Variants in ENTPD7 observed in about 807,000 individuals in gnomAD.
The protein encoded by ENTPD7 is NTPDase 7.
A neutral mutation model predicts 77.9 loss-of-function variants in ENTPD7; 53 were observed. That is an observed-to-expected ratio of 0.68 (90% CI 0.55 to 0.85). The LOEUF is 0.85. Ranked by LOEUF, ENTPD7 falls within the 40% of genes least tolerant of loss-of-function variation. ENTPD7 has a pLI of 0.00. For missense variants in ENTPD7, 636 were observed against 743.7 expected, an observed-to-expected ratio of 0.86 and a Z score of 1.68; for synonymous variants, 248 against 274.9, an observed-to-expected ratio of 0.90 and a Z score of 0.97.
intron 7 of ENTPD7, among the ~76,000 whole-genome samples, chr10:99,690,509 A>G (rs1018483038): frequency 2.0e-5 from 3 of 152,074 alleles, no homozygotes; most frequent in African/African-American, 7.2e-5. Context: ...ATATTGACAT[A>G]AACATTTATT....
chr10:99,679,303 A>G lies in ENTPD7; in HGVS notation c.234A>G (p.Glu78=). 6.2e-7 allele frequency: 1 copy of G among 1,614,148 alleles called. No individual in the cohort carries two copies. Among genetic ancestry groups the G allele is most frequent in the Non-Finnish European group, 8.5e-7 (1 of 1,180,014 alleles). ...RVGELEATDT[E]DPNLNYGLVV... is the part of the protein sequence containing the mutation. The stretch of plus-strand genomic sequence containing the variant: ...GGGAGCTTGAAGCTACTGACACTGA[A>G]GACCCAAATCTGAATTATGGACTTG... The change falls in exon 4 of 13, where the codon GAA becomes GAG. Residue 78 remains glutamate, a synonymous_variant. Coordinates refer to ENST00000370489, the MANE Select transcript of ENTPD7 (RefSeq NM_020354.5).
In ENTPD7 at chr10:99,710,699, C is replaced by T; in HGVS notation, c.*6016C>T. The T allele has an allele frequency of 1.0e-6, 1 of 985,402 alleles. No individual in the cohort carries two copies. Among genetic ancestry groups the T allele is most frequent in the Non-Finnish European group, 1.2e-6 (1 of 829,918 alleles). 61.0% of individuals were successfully genotyped at this position (985,402 alleles called of 1,614,324 possible). On this transcript the variant is annotated 3_prime_UTR_variant, in exon 13 of 13. Transcript: ENST00000370489. ...TGCTGATATATAACCCACCATTCAT[C>T]CCAGGACCACAAGGGTAGCTGTAGA...
In ENTPD7 at chr10:99,709,601, A is replaced by G; in HGVS notation, c.*4918A>G. 1 of 985,398 alleles carries G rather than the reference A, an allele frequency of 1.0e-6. No homozygotes were observed. The highest frequency in any genetic ancestry group is 1.2e-6 in the Non-Finnish European group (1 of 829,898). The allele number at this position is 985,398 out of a possible 1,614,324, so 61.0% of individuals were successfully genotyped here. On this transcript the variant is annotated 3_prime_UTR_variant, in exon 13 of 13. Transcript: ENST00000370489. ...AATATACCTCAAATTGAAAACTTTTAGGTTGTGTTCTTGGCTCATTCTCTC... is the reference window on the plus strand; with the variant it reads ...AATATACCTCAAATTGAAAACTTTTGGGTTGTGTTCTTGGCTCATTCTCTC...
intron 5 of ENTPD7, among the ~76,000 whole-genome samples, chr10:99,683,451 A>G (rs915591900): frequency 7.2e-5 from 11 of 152,258 alleles, no homozygotes; most frequent in Non-Finnish European, 1.6e-4. Context: ...ACACCATAAT[A>G]CAAGGTGGTG....
chr10:99,682,201 T>TTC (rs999890042), intron 5 of ENTPD7, among the ~76,000 whole-genome samples: 4 of 150,938 alleles, frequency 2.7e-5, no homozygotes, highest in African/African-American at 9.7e-5. Context: ...CAACAGCAGT[T>TTC]TTTTTTTTTT....
chr10:99,675,329 G>T (rs952145112), intron 3 of ENTPD7, among the ~76,000 whole-genome samples: 125 of 145,286 alleles, frequency 8.6e-4, no homozygotes, highest in African/African-American at 2.9e-3. Flanking sequence ...ATGAATGTGT[G>T]TTTTTTTTTT....
chr10:99,686,020 T>A, intron 6 of ENTPD7, 125 bp downstream of exon 6: 2 of 607,526 alleles, frequency 3.3e-6, no homozygotes, highest in South Asian at 4.7e-5. Flanking sequence ...TTTTCTTGAT[T>A]CTGCTACATA....
At chr10:99,672,820 G>A (rs1564628410) in intron 3 of ENTPD7, among the ~76,000 whole-genome samples, 1 of 152,146 alleles carries the variant, frequency 6.6e-6, no homozygotes, top group Non-Finnish European at 1.5e-5. Context: ...ATGACATTCA[G>A]CAAAGAATTA....
At chr10:99,676,300 A>T (rs2035680299) in intron 3 of ENTPD7, among the ~76,000 whole-genome samples, 1 of 152,108 alleles carries the variant, frequency 6.6e-6, no homozygotes, top group Admixed American at 6.5e-5. Flanking sequence ...TTTATTTTCT[A>T]ATATAGTAAA....
chr10:99,703,324 G>A (rs1021374291), intron 12 of ENTPD7, among the ~76,000 whole-genome samples: 11 of 152,138 alleles, frequency 7.2e-5, no homozygotes, highest in African/African-American at 2.7e-4. Context: ...ACTCAATACC[G>A]TCAGCAGCCA....
At chr10:99,678,312 C>CA in intron 3 of ENTPD7, among the ~76,000 whole-genome samples, 1 of 150,712 alleles carries the variant, frequency 6.6e-6, no homozygotes, top group Non-Finnish European at 1.5e-5. Context: ...ACTAAAAATA[C>CA]AAAAAATTAG....
chr10:99,680,984 T>A (rs1026618268), intron 5 of ENTPD7, among the ~76,000 whole-genome samples: 2 of 152,258 alleles, frequency 1.3e-5, no homozygotes, highest in African/African-American at 4.8e-5. Context: ...TTGTGCCTAT[T>A]TATTTCCCTT....
chr10:99,686,286 A>C (rs1461067760), intron 6 of ENTPD7, among the ~76,000 whole-genome samples: 1 of 152,152 alleles, frequency 6.6e-6, no homozygotes, highest in East Asian at 1.9e-4. Flanking sequence ...CTTTAATTCC[A>C]AGGGATGATC....
intron 2 of ENTPD7, chr10:99,660,220 G>A (rs2133429799): frequency 2.6e-6 from 2 of 763,994 alleles, no homozygotes; most frequent in East Asian, 2.6e-4. Flanking sequence ...TTGTAACATT[G>A]ATTCAGATTC....
intron 5 of ENTPD7, among the ~76,000 whole-genome samples, chr10:99,685,521 T>C (rs886171341): frequency 6.6e-6 from 1 of 152,228 alleles, no homozygotes; most frequent in Non-Finnish European, 1.5e-5. Context: ...CGTAGTCTCA[T>C]AGCCTCATCT....
At chr10:99,693,605 T>C (rs2035918318) in intron 8 of ENTPD7, among the ~76,000 whole-genome samples, 1 of 152,128 alleles carries the variant, frequency 6.6e-6, no homozygotes. Context: ...AATGCATACT[T>C]GCAAGCAACA....
At chr10:99,704,321 G>A in intron 12 of ENTPD7, 131 bp from the exon 13 acceptor site, 2 of 877,798 alleles carry the variant, frequency 2.3e-6, no homozygotes, top group East Asian at 2.6e-5. Context: ...CTGCTCTGTG[G>A]AGCTGGTGTC....
chr10:99,689,641 G>A (rs760007110), intron 7 of ENTPD7, among the ~76,000 whole-genome samples: 12 of 152,272 alleles, frequency 7.9e-5, no homozygotes, highest in Non-Finnish European at 1.6e-4. Context: ...GTAATGTCTG[G>A]TTGACTCACT....
At chr10:99,686,523 A>AAAT (rs1311158268) in intron 6 of ENTPD7, among the ~76,000 whole-genome samples, 1 of 152,148 alleles carries the variant, frequency 6.6e-6, no homozygotes, top group African/African-American at 2.4e-5. Context: ...TTTACCTTTT[A>AAAT]AAATTTCAGT....
Sources: gnomAD v4.1 joint callset for allele counts (sites outside exome capture counted in the v4.1 genomes callset) on GRCh38, gnomAD v4.1.1 for gene constraint, MANE v1.5 for transcripts, NCBI Gene and HGNC (gene_info 2026-07-23, HGNC 2026-07-21) for gene names.